TTLL2: variants seen among roughly 807,000 people sequenced by gnomAD.
TTLL2 encodes probable tubulin polyglutamylase TTLL2.
In TTLL2, 10 loss-of-function variants were observed where a neutral mutation model predicts 7.5. That is an observed-to-expected ratio of 1.33 (90% CI 0.82 to 2.25). The LOEUF is 2.25. Among genes scored for constraint, TTLL2 ranks in the 30% most tolerant of loss-of-function variants. The pLI, the probability that TTLL2 is intolerant of heterozygous loss-of-function variation, is 0.00. For synonymous variants in TTLL2, 284 were observed against 280.3 expected (o/e 1.01, Z -0.13); for missense variants, 733 against 735.7 (o/e 1.00, Z 0.04).
rs562535510 is a variant in TTLL2, at chr6:167,337,808, T to A, written c.48-839T>A. 3.1e-4 allele frequency among the ~76,000 whole-genome samples: 47 copies of A among 149,306 alleles called. 2 individuals are homozygous for A. Among genetic ancestry groups the A allele is most frequent in the African/African-American group, 1.2e-3 (47 of 40,568 alleles). ...ACCACACACAACACATACACACAGA[T>A]AACACACACAACATACACACAACAC... On this transcript the variant is annotated intron_variant, in intron 1 of 2. Coordinates refer to ENST00000239587, the MANE Select transcript of TTLL2 (RefSeq NM_031949.5).
chr6:167,325,288 C>A (rs1778834935), intron 1 of TTLL2, 68 bp downstream of exon 1: 1 of 1,436,410 alleles, frequency 7.0e-7, no homozygotes, highest in Non-Finnish European at 9.3e-7. Flanking sequence ...CAGGACCAGC[C>A]CCTTCCCGAG....
chr6:167,330,133 TCC>T (rs1778900348), intron 1 of TTLL2, among the ~76,000 whole-genome samples: 1 of 152,216 alleles, frequency 6.6e-6, no homozygotes, highest in Admixed American at 6.5e-5. Flanking sequence ...GCCATAAATC[TCC>T]TGGCTTCCGA....
intron 1 of TTLL2, among the ~76,000 whole-genome samples, chr6:167,325,985 C>T (rs904733598): frequency 3.3e-5 from 5 of 152,150 alleles, no homozygotes; most frequent in Non-Finnish European, 5.9e-5. Context: ...GAGTGCCTGC[C>T]GGCCTGTAGC....
At chr6:167,331,418 C>A (rs1324998094) in intron 1 of TTLL2, among the ~76,000 whole-genome samples, 3 of 152,174 alleles carry the variant, frequency 2.0e-5, no homozygotes, top group East Asian at 1.9e-4. Context: ...CTCCTCCTAA[C>A]CTTCCCAGCC....
At chr6:167,327,963 G>C (rs755475809) in intron 1 of TTLL2, 1 of 456,024 alleles carries the variant, frequency 2.2e-6, no homozygotes, top group South Asian at 1.5e-5. Context: ...CTTGAGAAGG[G>C]CCCCTCTCCT....
At position 167,327,711 on chromosome 6, in the gene TTLL2, G is replaced by A. The variant is rs539068600; in HGVS notation, c.47+2491G>A. Among the ~76,000 whole-genome samples the A allele has an allele frequency of 2.0e-5, 3 of 152,104 alleles. No individual in the cohort carries two copies. In the South Asian group the frequency reaches 6.2e-4, roughly 32 times the overall value. Reference sequence around the variant, plus strand: ...GAAACCATATTCGCACAAGAGAAACGGAAACATACAGGTTATGTATGGTGA... The same window carrying A: ...GAAACCATATTCGCACAAGAGAAACAGAAACATACAGGTTATGTATGGTGA... On this transcript the variant is annotated intron_variant, in intron 1 of 2. Coordinates refer to ENST00000239587, the MANE Select transcript of TTLL2 (RefSeq NM_031949.5).
chr6:167,328,494 C>G (rs1778875199), intron 1 of TTLL2: 1 of 210,434 alleles, frequency 4.8e-6, no homozygotes, highest in Non-Finnish European at 9.9e-6. Context: ...ATGACATTGA[C>G]TGGTGTTCTA....
chr6:167,332,210 A>T (rs191987878), intron 1 of TTLL2, among the ~76,000 whole-genome samples: 6 of 152,308 alleles, frequency 3.9e-5, no homozygotes, highest in Non-Finnish European at 7.4e-5. Flanking sequence ...ATGGAAGTGA[A>T]GTACAGAACC....
In TTLL2 at chr6:167,340,391, A is replaced by C. The variant is rs1779063799; in HGVS notation, c.491A>C (p.Lys164Thr). The C allele has an allele frequency of 6.2e-7, 1 of 1,614,168 alleles. No individual in the cohort carries two copies. The highest frequency in any genetic ancestry group is 1.6e-4 in the Middle Eastern group (1 of 6,062). Residue 164 changes from lysine (K) to threonine (T), a missense_variant, in exon 3 of 3, where the codon AAG (lysine) becomes ACG (threonine). Transcript: ENST00000239587. Reference sequence around the variant, plus strand: ...AAAGACTGTTTGGCCAAACACCTGAAGCACATGAGGAGGATGTATGGCACT... The same window carrying C: ...AAAGACTGTTTGGCCAAACACCTGACGCACATGAGGAGGATGTATGGCACT... ...TRKDCLAKHLKHMRRMYGTSL... is the reference protein window; with the variant it reads ...TRKDCLAKHLTHMRRMYGTSL...
chr6:167,327,823 T>C (rs1026593657), intron 1 of TTLL2, among the ~76,000 whole-genome samples: 7 of 152,196 alleles, frequency 4.6e-5, no homozygotes, highest in Admixed American at 1.3e-4. Flanking sequence ...TATATAAAAA[T>C]GTACACTTTT....
chr6:167,340,838 A>G lies in TTLL2; in HGVS notation c.938A>G (p.Lys313Arg). 1 of 1,614,178 alleles carries G rather than the reference A, an allele frequency of 6.2e-7. No individual in the cohort carries two copies. The highest frequency in any genetic ancestry group is 8.5e-7 in the Non-Finnish European group (1 of 1,180,032). The change falls in exon 3 of 3, where the codon AAA (lysine) becomes AGA (arginine). Residue 313 changes from lysine (K) to arginine (R), a missense_variant. Coordinates refer to ENST00000239587, the MANE Select transcript of TTLL2 (RefSeq NM_031949.5). ...TCCGGGGCCTCTTATGAGAAGATCAAAGAAGTGATTGGTCATGGTTGTAAA... is the reference window on the plus strand; with the variant it reads ...TCCGGGGCCTCTTATGAGAAGATCAGAGAAGTGATTGGTCATGGTTGTAAA... ...NKSGASYEKI[K>R]EVIGHGCKWT...
At chr6:167,331,651 G>C (rs965332539) in intron 1 of TTLL2, among the ~76,000 whole-genome samples, 1 of 152,108 alleles carries the variant, frequency 6.6e-6, no homozygotes, top group Non-Finnish European at 1.5e-5. Context: ...GAAGGGCTCC[G>C]TACTTTTATA....
chr6:167,327,195 A>G (rs1352665142), intron 1 of TTLL2, among the ~76,000 whole-genome samples: 1 of 152,234 alleles, frequency 6.6e-6, no homozygotes, highest in Non-Finnish European at 1.5e-5. Flanking sequence ...TTTTTATATA[A>G]GATGAAATAA....
chr6:167,338,882 T>A, intron 2 of TTLL2, 79 bp downstream of exon 2: 1 of 1,140,924 alleles, frequency 8.8e-7, no homozygotes. Context: ...CTCCTTCTTT[T>A]TTCCCCTCCC....
intron 1 of TTLL2, among the ~76,000 whole-genome samples, chr6:167,328,893 AG>A (rs1299445391): frequency 2.0e-5 from 3 of 152,146 alleles, no homozygotes; most frequent in Non-Finnish European, 4.4e-5. Context: ...AAACAGGCAC[AG>A]GGGTGTCCAC....
In TTLL2 at chr6:167,341,174, G is replaced by C; in HGVS notation, c.1274G>C (p.Arg425Thr). 6.2e-7 allele frequency: 1 copy of C among 1,613,828 alleles called. No individual in the cohort carries two copies. Among genetic ancestry groups the C allele is most frequent in the Non-Finnish European group, 8.5e-7 (1 of 1,180,004 alleles). Reference sequence around the variant, plus strand: ...TTAAATGGTCTAAGAAATGAGGGGAGAGAAGCCAGTAATGCCACACATGGA... The same window carrying C: ...TTAAATGGTCTAAGAAATGAGGGGACAGAAGCCAGTAATGCCACACATGGA... The part of the protein sequence containing the change: ...IYLNGLRNEG[R>T]EASNATHGNS... The change falls in exon 3 of 3, where the codon AGA becomes ACA. Residue 425 changes from arginine to threonine, a missense_variant. Coordinates refer to ENST00000239587, the MANE Select transcript of TTLL2 (RefSeq NM_031949.5).
intron 1 of TTLL2, among the ~76,000 whole-genome samples, chr6:167,332,147 C>T (rs1365082832): frequency 6.6e-6 from 1 of 152,112 alleles, no homozygotes; most frequent in East Asian, 1.9e-4. Context: ...CCCCACACTG[C>T]GTCCGGGTGG....
chr6:167,333,759 G>C (rs1778950760), intron 1 of TTLL2, among the ~76,000 whole-genome samples: 4 of 91,562 alleles, frequency 4.4e-5, no homozygotes, highest in African/African-American at 1.9e-4. Flanking sequence ...TCTGATGGTA[G>C]TTTGTATTTC....
At position 167,340,792 on chromosome 6, in the gene TTLL2, A is replaced by G. The variant is rs778458262; in HGVS notation, c.892A>G (p.Thr298Ala). The G allele has an allele frequency of 6.2e-7, 1 of 1,614,146 alleles. No homozygotes were observed. The highest frequency in any genetic ancestry group is 8.5e-7 in the Non-Finnish European group (1 of 1,180,036). The change falls in exon 3 of 3, where the codon ACC becomes GCC. Residue 298 changes from threonine (T) to alanine (A), a missense_variant. Physicochemically the swap from Thr to Ala is moderately conservative, Grantham distance 58. Coordinates refer to ENST00000239587, the MANE Select transcript of TTLL2 (RefSeq NM_031949.5). ...TTTGCAAAACAATTATGCCCATTTG[A>G]CCAACAGCAGCATCAATAAATCCGG... is the stretch of plus-strand genomic sequence containing the variant. ...SNLQNNYAHL[T>A]NSSINKSGAS...
Sources: gnomAD v4.1 joint callset for allele counts (sites outside exome capture counted in the v4.1 genomes callset) on GRCh38, gnomAD v4.1.1 for gene constraint, MANE v1.5 for transcripts, NCBI Gene and HGNC (gene_info 2026-07-23, HGNC 2026-07-21) for gene names.